Variants in GLB1 observed in about 807,000 individuals in gnomAD.
The protein encoded by GLB1 is beta-galactosidase.
A neutral mutation model predicts 74.0 loss-of-function variants in GLB1; 56 were observed. The observed-to-expected ratio is 0.76, with a 90% CI of 0.61 to 0.94. The LOEUF (loss-of-function observed/expected upper bound fraction) is 0.94, where lower values mean the gene tolerates loss of function less well. Among genes scored for constraint, GLB1 ranks in the 40% least tolerant of loss-of-function variants. The pLI, the probability that GLB1 is intolerant of heterozygous loss-of-function variation, is 0.00. For synonymous variants in GLB1, 323 were observed against 323.6 expected, an observed-to-expected ratio of 1.00 and a Z score of 0.02; for missense variants, 787 against 845.5, an observed-to-expected ratio of 0.93 and a Z score of 0.86.
At chr3:33,067,472 G>C (rs1305216814) in intron 4 of GLB1, among the ~76,000 whole-genome samples, 1 of 64,796 alleles carries the variant, frequency 1.5e-5, no homozygotes, top group Non-Finnish European at 3.5e-5. Context: ...ATAGAGATAG[G>C]GTCTCGCTAT....
chr3:33,088,601 G>C (rs1220720135), intron 1 of GLB1, among the ~76,000 whole-genome samples: 1 of 152,050 alleles, frequency 6.6e-6, no homozygotes, highest in African/African-American at 2.4e-5. Context: ...AGACTACACT[G>C]AAAACTACAA....
At chr3:33,068,379 G>C in intron 3 of GLB1, 89 bp from the exon 4 acceptor site, 1 of 1,554,692 alleles carries the variant, frequency 6.4e-7, no homozygotes, top group Non-Finnish European at 8.7e-7. Context: ...TTATGGAAAA[G>C]AATAAAAGCT....
chr3:33,090,212 T>G (rs1700689049), intron 1 of GLB1, among the ~76,000 whole-genome samples: 1 of 152,228 alleles, frequency 6.6e-6, no homozygotes, highest in South Asian at 2.1e-4. Flanking sequence ...GGATTCATAC[T>G]GAAGTAATTT....
At chr3:32,966,089 T>G in the GLB1 span, among the ~76,000 whole-genome samples, 381 of 152,294 alleles carry the variant, frequency 2.5e-3, 1 homozygote, top group African/African-American at 8.8e-3. Flanking sequence ...ACACAAAGTC[T>G]CCACTGCTGT....
intron 5 of GLB1, among the ~76,000 whole-genome samples, chr3:33,061,137 G>A (rs547341908): frequency 3.3e-5 from 5 of 152,300 alleles, no homozygotes; most frequent in African/African-American, 4.8e-5. Flanking sequence ...CAGGCTGGGC[G>A]TGGTGGCTCA....
intron 4 of GLB1, among the ~76,000 whole-genome samples, chr3:33,068,020 G>C (rs1699754407): frequency 6.6e-6 from 1 of 152,048 alleles, no homozygotes; most frequent in Non-Finnish European, 1.5e-5. Context: ...TGAGTAGCTG[G>C]GATTACAGGC....
At chr3:33,070,410 G>A (rs1303539138) in intron 2 of GLB1, among the ~76,000 whole-genome samples, 7 of 152,122 alleles carry the variant, frequency 4.6e-5, no homozygotes, top group South Asian at 2.1e-4. Context: ...AGACCTTCCC[G>A]CTTGGCAGCC....
At chr3:32,993,526 T>TC (rs1304258320), downstream of GLB1, among the ~76,000 whole-genome samples, 17 of 125,186 alleles carry the variant, frequency 1.4e-4, no homozygotes, top group African/African-American at 4.8e-4. Flanking sequence ...CAGCTAATTT[T>TC]TTTTTTTTTT....
intron 1 of GLB1, chr3:33,091,444 C>T (rs1429404662): frequency 4.1e-6 from 4 of 985,396 alleles, no homozygotes; most frequent in Admixed American, 1.2e-4. Context: ...GCAGGCAGCT[C>T]GCTACCCACT....
At chr3:33,020,643 T>C (rs574016420) in intron 12 of GLB1, among the ~76,000 whole-genome samples, 6 of 152,354 alleles carry the variant, frequency 3.9e-5, no homozygotes, top group Non-Finnish European at 8.8e-5. Flanking sequence ...GAGAATATAA[T>C]TAATGTGTGA....
At chr3:32,974,426 C>T in the GLB1 span, among the ~76,000 whole-genome samples, 9 of 152,170 alleles carry the variant, frequency 5.9e-5, no homozygotes, top group Non-Finnish European at 1.2e-4. Flanking sequence ...TACCCATATC[C>T]ACATCTATAT....
chr3:33,091,828 T>C (rs1044872038), intron 1 of GLB1: 147 of 985,378 alleles, frequency 1.5e-4, no homozygotes, highest in Non-Finnish European at 1.7e-4. Flanking sequence ...AGCCCAGCCC[T>C]GTCTTCTCAG....
chr3:33,041,830 T>G (rs1176825334), intron 10 of GLB1, among the ~76,000 whole-genome samples: 1 of 152,118 alleles, frequency 6.6e-6, no homozygotes, highest in Non-Finnish European at 1.5e-5. Flanking sequence ...AGTGTGGTCC[T>G]GGGACAAAGG....
chr3:33,010,552 T>C (rs1293603223), intron 15 of GLB1, among the ~76,000 whole-genome samples: 1 of 152,222 alleles, frequency 6.6e-6, no homozygotes, highest in African/African-American at 2.4e-5. Flanking sequence ...GTTAGATATA[T>C]GATTTGAAAA....
At chr3:32,987,470 C>T in the GLB1 span, among the ~76,000 whole-genome samples, 1 of 152,346 alleles carries the variant, frequency 6.6e-6, no homozygotes, top group East Asian at 1.9e-4. Context: ...CTGTAAACCA[C>T]GTGCACACAA....
At chr3:33,052,290 A>G (rs933135199) in intron 7 of GLB1, among the ~76,000 whole-genome samples, 1 of 152,188 alleles carries the variant, frequency 6.6e-6, no homozygotes. Context: ...TAAACACAGT[A>G]GGAAAGTCTT....
intron 11 of GLB1, among the ~76,000 whole-genome samples, chr3:33,022,564 A>ATTGTTTTTTTTTTTTTTTTTTT (rs1697538844): frequency 4.7e-5 from 3 of 63,746 alleles, no homozygotes; most frequent in Non-Finnish European, 5.8e-5. Context: ...ACTGGTTAGG[A>ATTGTTTTTTTTTTTTTTTTTTT]TTTTTTTTTT....
chr3:33,018,326 A>AAAATT, intron 13 of GLB1, 122 bp downstream of exon 13: 1 of 397,146 alleles, frequency 2.5e-6, no homozygotes, highest in Non-Finnish European at 4.6e-6. Flanking sequence ...AAAAAAAAAG[A>AAAATT]TGATGGGTAG....
chr3:32,983,629 T>C, the GLB1 span, among the ~76,000 whole-genome samples: 1 of 152,150 alleles, frequency 6.6e-6, no homozygotes, highest in East Asian at 1.9e-4. Context: ...ATTGTGCCTT[T>C]GATTATATTT....
Sources: gnomAD v4.1 joint callset for allele counts (sites outside exome capture counted in the v4.1 genomes callset) on GRCh38, gnomAD v4.1.1 for gene constraint, MANE v1.5 for transcripts, NCBI Gene and HGNC (gene_info 2026-07-23, HGNC 2026-07-21) for gene names.